LDLRAD4: variants seen among roughly 807,000 people sequenced by gnomAD.
LDLRAD4 encodes the protein low-density lipoprotein receptor class A domain-containing protein 4.
Under a neutral mutation model 17.0 loss-of-function variants are expected in LDLRAD4, and 5 were observed. That is an observed-to-expected ratio of 0.29 (90% CI 0.15 to 0.62). The LOEUF (loss-of-function observed/expected upper bound fraction) is 0.62, where lower values mean the gene tolerates loss of function less well. Ranked by LOEUF, LDLRAD4 falls within the 20% of genes least tolerant of loss-of-function variation. LDLRAD4 has a pLI of 0.84. For missense variants in LDLRAD4, 340 were observed against 424.7 expected, an observed-to-expected ratio of 0.80 and a Z score of 1.75; for synonymous variants, 168 against 171.8, an observed-to-expected ratio of 0.98 and a Z score of 0.17.
chr18:13,519,626 G>T (rs2093923089), intron 3 of LDLRAD4: 1 of 152,238 alleles, frequency 6.6e-6, no homozygotes, highest in African/African-American at 2.4e-5. Context: ...TTATCAGGGT[G>T]TGGTGGCATG....
At chr18:13,573,236 C>T (rs183332943) in intron 3 of LDLRAD4, among the ~76,000 whole-genome samples, 33 of 152,328 alleles carry the variant, frequency 2.2e-4, no homozygotes, top group Non-Finnish European at 5.9e-5. Context: ...TCTTAAGTAG[C>T]TGGGATTACA....
intron 1 of LDLRAD4, among the ~76,000 whole-genome samples, chr18:13,349,679 A>G (rs1330788694): frequency 1.3e-5 from 2 of 152,204 alleles, no homozygotes; most frequent in Non-Finnish European, 2.9e-5. Flanking sequence ...GGTTTGTTAC[A>G]TAGGTATACA....
intron 1 of LDLRAD4, among the ~76,000 whole-genome samples, chr18:13,321,064 G>T (rs148094845): frequency 1.3e-5 from 2 of 152,250 alleles, no homozygotes; most frequent in Non-Finnish European, 2.9e-5. Flanking sequence ...CAGCTCCCCC[G>T]CCCTCTTGTG....
At position 13,380,421 on chromosome 18, in the gene LDLRAD4, T is replaced by C. The variant is rs1298774175; in HGVS notation, c.-382-6920T>C. On this transcript the variant is annotated intron_variant, in intron 1 of 5. Coordinates refer to ENST00000359446, the Ensembl canonical transcript of LDLRAD4. ...TTGGGCCAGGATCCAGACACCTGGT[T>C]CCAGCCCTGGCTTGCATTCCTCCCA... is the stretch of plus-strand genomic sequence containing the variant. 3.3e-5 allele frequency among the ~76,000 whole-genome samples: 5 copies of C among 152,286 alleles called. No homozygotes were observed. In the East Asian group the frequency reaches 9.7e-4, roughly 29 times the overall value.
In LDLRAD4 at chr18:13,553,898, C is replaced by T. The variant is rs117138717; in HGVS notation, c.182-67219C>T. On this transcript the variant is annotated intron_variant, in intron 3 of 5. Coordinates refer to ENST00000359446, the Ensembl canonical transcript of LDLRAD4. ...AACTGCCCCTTTTGTCAGGTGGAAC[C>T]GATTTCCCTGAAATTCTCATCTGTG... Among the ~76,000 whole-genome samples, 137 of 152,186 alleles carry T rather than the reference C, an allele frequency of 9.0e-4. 3 individuals carry two copies. In the East Asian group the frequency reaches 0.021, roughly 23 times the overall value.
chr18:13,445,411 G>A (rs1323698083), intron 3 of LDLRAD4, among the ~76,000 whole-genome samples: 1 of 151,968 alleles, frequency 6.6e-6, no homozygotes, highest in African/African-American at 2.4e-5. Flanking sequence ...CATGTGGTGT[G>A]TGCATGCATG....
chr18:13,340,142 G>A (rs1036416579), intron 1 of LDLRAD4, among the ~76,000 whole-genome samples: 66 of 152,194 alleles, frequency 4.3e-4, no homozygotes, highest in Admixed American at 4.3e-3. Flanking sequence ...GTATGTATAT[G>A]CCACATTTTG....
chr18:13,233,640 G>A (rs1051895876), intron 1 of LDLRAD4, among the ~76,000 whole-genome samples: 5 of 152,094 alleles, frequency 3.3e-5, no homozygotes, highest in African/African-American at 7.2e-5. Context: ...CCAGAGGAAC[G>A]GGGTCTCTCC....
chr18:13,236,536 G>A (rs1436615208), intron 1 of LDLRAD4: 1 of 152,010 alleles, frequency 6.6e-6, no homozygotes, highest in Non-Finnish European at 1.5e-5. Context: ...CTCAAACTCA[G>A]GTGATCCGCC....
rs1220319759 is a variant in LDLRAD4 at position 13,367,950 on chromosome 18, A to G, written c.-382-19391A>G. On this transcript the variant is annotated intron_variant, in intron 1 of 5. Coordinates refer to ENST00000359446, the Ensembl canonical transcript of LDLRAD4. The surrounding 1 kb of genome is among the most constrained non-coding windows in gnomAD (Gnocchi z 4.1). Reference sequence around the variant, plus strand: ...GGCAGGAGTTTTGCTTGAGCCTGAGAAGTCGAGGCTGCAGTGAGCCATGAC... The same window carrying G: ...GGCAGGAGTTTTGCTTGAGCCTGAGGAGTCGAGGCTGCAGTGAGCCATGAC... Among the ~76,000 whole-genome samples the G allele has an allele frequency of 1.3e-5, 2 of 151,966 alleles. No homozygotes were observed. The highest frequency in any genetic ancestry group is 2.4e-5 in the African/African-American group (1 of 41,356).
intron 3 of LDLRAD4, among the ~76,000 whole-genome samples, chr18:13,565,815 A>G (rs931593571): frequency 3.3e-5 from 5 of 152,232 alleles, no homozygotes; most frequent in Non-Finnish European, 5.9e-5. Flanking sequence ...GAGCTCCTCC[A>G]TGCTTGCGGG....
intron 2 of LDLRAD4, among the ~76,000 whole-genome samples, chr18:13,435,090 A>C (rs2090567563): frequency 6.6e-6 from 1 of 152,176 alleles, no homozygotes; most frequent in Non-Finnish European, 1.5e-5. Flanking sequence ...TATCACAATA[A>C]TCTCGTGATT....
intron 2 of LDLRAD4, among the ~76,000 whole-genome samples, chr18:13,397,774 T>C (rs1599924177): frequency 6.6e-6 from 1 of 152,044 alleles, no homozygotes; most frequent in South Asian, 2.1e-4. Context: ...GTACTGGGAG[T>C]TGGGGAGAAA....
Position 13,400,265 on chromosome 18 carries a change from A to G in LDLRAD4, c.40+12503A>G, listed in dbSNP as rs1450565428. ...TTAGTTTATTCTTTAGCGTGGGGTA[A>G]AAGAGAGGGAATCATGCAAGGTGGG... On this transcript the variant is annotated intron_variant, in intron 2 of 5. Transcript: ENST00000359446. Among the ~76,000 whole-genome samples, 19 of 152,322 alleles carry G rather than the reference A, an allele frequency of 1.2e-4. No homozygotes were observed. The East Asian group carries it at 3.7e-3, about 29-fold the overall frequency.
At chr18:13,390,447 CCCTGGGGAGCTTCCCTACCA>C (rs1043938566) in intron 2 of LDLRAD4, among the ~76,000 whole-genome samples, 37 of 152,310 alleles carry the variant, frequency 2.4e-4, no homozygotes, top group African/African-American at 7.7e-4. Flanking sequence ...CACACGGGTT[CCCTGGGGAGCTTCCCTACCA>C]CCTGGGTCTC....
chr18:13,313,873 A>C (rs986762179), intron 1 of LDLRAD4, among the ~76,000 whole-genome samples: 3 of 152,196 alleles, frequency 2.0e-5, no homozygotes, highest in Non-Finnish European at 2.9e-5. Context: ...CGTTTGGATT[A>C]AGGAGAGTAG....
upstream of LDLRAD4, chr18:13,277,999 G>A (rs1393378934): frequency 6.6e-6 from 1 of 152,092 alleles, no homozygotes; most frequent in African/African-American, 2.4e-5. Context: ...TGATATTTAT[G>A]CCTCTTCTCG....
intron 3 of LDLRAD4, among the ~76,000 whole-genome samples, chr18:13,566,287 G>T (rs113636289): frequency 3.7e-4 from 57 of 152,252 alleles, no homozygotes; most frequent in African/African-American, 1.4e-3. Flanking sequence ...GTCTGTCCTG[G>T]AGGAGAAGCC....
At chr18:13,299,763 G>C (rs9945808) in intron 1 of LDLRAD4, among the ~76,000 whole-genome samples, 20 of 152,214 alleles carry the variant, frequency 1.3e-4, no homozygotes, top group African/African-American at 4.6e-4. Flanking sequence ...GACCACTTGA[G>C]CCTGGGAGGT....
Sources: gnomAD v4.1 joint callset for allele counts (sites outside exome capture counted in the v4.1 genomes callset) on GRCh38, gnomAD v4.1.1 for gene constraint, Gnocchi (gnomAD v3.1) non-coding constraint, MANE v1.5 for transcripts, NCBI Gene and HGNC (gene_info 2026-07-23, HGNC 2026-07-21) for gene names.